The following DOCK8 variants were observed in gnomAD, a reference collection of about 807,000 sequenced individuals.
DOCK8 encodes dedicator of cytokinesis 8.
In DOCK8, 141 loss-of-function variants were observed where a neutral mutation model predicts 245.6. The ratio of observed to expected loss-of-function variants is 0.57; its 90% CI spans 0.50 to 0.66. The LOEUF (loss-of-function observed/expected upper bound fraction) is 0.66. DOCK8 is among the 30% of genes least tolerant of loss of function. The probability of loss-of-function intolerance (pLI) is 0.00; values close to 1 mark genes in which losing one functional copy is unlikely to be tolerated. For missense variants in DOCK8, 2,965 were observed against 2,603.4 expected, an observed-to-expected ratio of 1.14 and a Z score of -3.02; for synonymous variants, 1,168 against 970.2, an observed-to-expected ratio of 1.20 and a Z score of -3.79.
intron 14 of DOCK8, chr9:365,879 A>G (rs1358615322): frequency 2.5e-5 from 8 of 325,772 alleles, no homozygotes; most frequent in South Asian, 7.6e-5. Flanking sequence ...CCAACTGTCA[A>G]CTGTCTTCCA....
intron 1 of DOCK8, among the ~76,000 whole-genome samples, chr9:239,778 A>G (rs1357799824): frequency 6.6e-6 from 1 of 152,208 alleles, no homozygotes; most frequent in South Asian, 2.1e-4. Flanking sequence ...TACTTCTACA[A>G]AACTGGAAGT....
At chr9:359,808 A>AC (rs1397359006) in intron 14 of DOCK8, among the ~76,000 whole-genome samples, 1 of 81,144 alleles carries the variant, frequency 1.2e-5, no homozygotes, top group Non-Finnish European at 2.8e-5. Flanking sequence ...CTTTGCAAAA[A>AC]AAAAAAAAAA....
upstream of DOCK8, among the ~76,000 whole-genome samples, chr9:211,269 C>T (rs538835130): frequency 5.9e-5 from 9 of 152,060 alleles, no homozygotes; most frequent in Middle Eastern, 0.01. Flanking sequence ...ACAGGAGCAC[C>T]GCCTGCTTTA....
intron 4 of DOCK8, among the ~76,000 whole-genome samples, chr9:299,945 C>T (rs917495190): frequency 7.9e-5 from 12 of 151,528 alleles, no homozygotes; most frequent in African/African-American, 2.7e-4. Context: ...TGGTGTGAAC[C>T]CGGGAGGCAG....
chr9:451,097 G>C (rs1327988011), intron 45 of DOCK8, among the ~76,000 whole-genome samples: 2 of 152,062 alleles, frequency 1.3e-5, no homozygotes, highest in Non-Finnish European at 2.9e-5. Flanking sequence ...TGAATCACTT[G>C]AGGTCAGGAG....
chr9:422,990 A>G (rs1211401346), intron 33 of DOCK8, among the ~76,000 whole-genome samples: 1 of 151,000 alleles, frequency 6.6e-6, no homozygotes. Context: ...ATCTCAAAAA[A>G]AAAAAAAAAA....
At chr9:246,416 C>T (rs963430663) in intron 1 of DOCK8, among the ~76,000 whole-genome samples, 3 of 151,988 alleles carry the variant, frequency 2.0e-5, no homozygotes, top group African/African-American at 7.2e-5. Flanking sequence ...TGTAGTCCCA[C>T]CTACTAGAGA....
intron 20 of DOCK8, among the ~76,000 whole-genome samples, chr9:379,053 G>A (rs72703587): frequency 0.17 from 25,512 of 152,132 alleles, 2,636 homozygotes; most frequent in Middle Eastern, 0.26. Flanking sequence ...CTTCCTAGGC[G>A]AGGACAACAG....
intron 1 of DOCK8, among the ~76,000 whole-genome samples, chr9:251,430 A>G (rs2047642726): frequency 6.6e-6 from 1 of 152,212 alleles, no homozygotes; most frequent in Non-Finnish European, 1.5e-5. Context: ...TCAAAGTCTC[A>G]GCAACAAGCT....
chr9:306,247 C>T (rs536672220), intron 5 of DOCK8, among the ~76,000 whole-genome samples: 1 of 152,250 alleles, frequency 6.6e-6, no homozygotes, highest in Admixed American at 6.5e-5. Context: ...AAGGTGGTCC[C>T]CCTAAAGCAA....
intron 1 of DOCK8, among the ~76,000 whole-genome samples, chr9:228,988 T>TAGCTGGTAAAGGGAACATTCTA (rs2131365503): frequency 6.6e-6 from 1 of 152,300 alleles, no homozygotes; most frequent in East Asian, 1.9e-4. Flanking sequence ...TTTGCATTCT[T>TAGCTGGTAAAGGGAACATTCTA]AGCTGGTAAA....
At chr9:212,669 G>A (rs1452648987), upstream of DOCK8, among the ~76,000 whole-genome samples, 1 of 152,168 alleles carries the variant, frequency 6.6e-6, no homozygotes, top group Non-Finnish European at 1.5e-5. Context: ...TCAAGAAATT[G>A]ACAGCACAGA....
At chr9:386,674 C>G (rs956461823) in intron 23 of DOCK8, among the ~76,000 whole-genome samples, 2 of 152,202 alleles carry the variant, frequency 1.3e-5, no homozygotes, top group Non-Finnish European at 2.9e-5. Flanking sequence ...CTTGTTAAAA[C>G]TCATCGCTGG....
intron 14 of DOCK8, among the ~76,000 whole-genome samples, chr9:360,322 T>TAAAA (rs35203849): frequency 7.2e-6 from 1 of 139,248 alleles, no homozygotes; most frequent in Admixed American, 7.2e-5. Flanking sequence ...TCTCAAAATT[T>TAAAA]AAAAAAAAAA....
At chr9:341,031 C>T (rs1369316233) in intron 14 of DOCK8, among the ~76,000 whole-genome samples, 4 of 152,142 alleles carry the variant, frequency 2.6e-5, no homozygotes, top group African/African-American at 4.8e-5. Context: ...GAATTTACAG[C>T]AATAACATAA....
intron 7 of DOCK8, among the ~76,000 whole-genome samples, chr9:324,754 A>G (rs2050681087): frequency 6.6e-6 from 1 of 152,186 alleles, no homozygotes; most frequent in Non-Finnish European, 1.5e-5. Flanking sequence ...AGGAAAAGCA[A>G]TTGAACTTTT....
intron 7 of DOCK8, among the ~76,000 whole-genome samples, chr9:318,162 C>T (rs997264592): frequency 2.0e-5 from 3 of 152,176 alleles, no homozygotes; most frequent in African/African-American, 7.2e-5. Context: ...TACCTCTCTT[C>T]GTCTCTGCAG....
Position 421,049 on chromosome 9 carries a change from G to C in DOCK8, c.4124G>C (p.Arg1375Thr). The change falls in exon 32 of 48, where the codon AGA (arginine) becomes ACA (threonine). Residue 1375 changes from arginine (R) to threonine (T), a missense_variant. Arg to Thr is a moderately conservative substitution (Grantham distance 71). Transcript: ENST00000432829. ...EEALLRGEGA[R>T]GEMMRRRAPG... The stretch of plus-strand genomic sequence containing the variant: ...GCTTTGCTCCGTGGGGAAGGGGCCA[G>C]AGGGGAGATGATGCGCCGCCGGGCT... 1 of 1,614,226 alleles carries C rather than the reference G, an allele frequency of 6.2e-7. No homozygotes were observed. The highest frequency in any genetic ancestry group is 8.5e-7 in the Non-Finnish European group (1 of 1,180,038).
intron 23 of DOCK8, among the ~76,000 whole-genome samples, chr9:389,561 T>C (rs1173059605): frequency 1.3e-5 from 2 of 151,898 alleles, no homozygotes; most frequent in East Asian, 1.9e-4. Flanking sequence ...AGACACCATC[T>C]AGACAGTGGT....
Sources: allele counts gnomAD v4.1 joint callset (sites outside exome capture counted in the v4.1 genomes callset), GRCh38; gene constraint gnomAD v4.1.1; transcripts MANE v1.5; gene names NCBI Gene and HGNC (gene_info 2026-07-23, HGNC 2026-07-21).